The following RABEPK variants were observed in gnomAD, a reference collection of about 807,000 sequenced individuals.
The protein encoded by RABEPK is 40 kDa Rab9 effector protein.
A neutral mutation model predicts 34.1 loss-of-function variants in RABEPK; 27 were observed. The observed-to-expected ratio is 0.79, with a 90% CI of 0.58 to 1.09. RABEPK has a LOEUF of 1.09. Among genes scored for constraint, RABEPK ranks in the 50% least tolerant of loss-of-function variants. The pLI is 0.00. For missense variants in RABEPK, 449 were observed against 462.6 expected, an observed-to-expected ratio of 0.97 and a Z score of 0.27; for synonymous variants, 172 against 169.2, an observed-to-expected ratio of 1.02 and a Z score of -0.13.
At chr9:125,212,525 A>C (rs982923499) in intron 3 of RABEPK, among the ~76,000 whole-genome samples, 2 of 151,676 alleles carry the variant, frequency 1.3e-5, no homozygotes, top group Non-Finnish European at 2.9e-5. Flanking sequence ...GACCAAGGTT[A>C]GGTATTACTA....
intron 2 of RABEPK, among the ~76,000 whole-genome samples, chr9:125,206,185 GT>G (rs1340631446): frequency 2.0e-5 from 3 of 152,114 alleles, no homozygotes; most frequent in African/African-American, 7.2e-5. Flanking sequence ...CTTCAAGTGT[GT>G]TTTCTCAGTC....
chr9:125,226,744 G>A (rs113518730), intron 5 of RABEPK, among the ~76,000 whole-genome samples: 52 of 151,746 alleles, frequency 3.4e-4, no homozygotes, highest in African/African-American at 8.2e-4. Flanking sequence ...TGTGGCTGTA[G>A]TCCCAGCTAC....
At chr9:125,201,168 T>A (rs1829882814) in intron 1 of RABEPK, among the ~76,000 whole-genome samples, 1 of 152,102 alleles carries the variant, frequency 6.6e-6, no homozygotes, top group South Asian at 2.1e-4. Flanking sequence ...GTAACTTGGA[T>A]GTGGGTGGAA....
At position 125,207,594 on chromosome 9, in the gene RABEPK, CT is replaced by C; in HGVS notation, c.85del (p.Cys29ValfsTer49). ...YTLTVPGDSP[C>X]ARVGHSCSYL... Reference sequence around the variant, plus strand: ...CCTTGACTGTCCCTGGAGACAGCCCCTGTGCTCGAGTTGGCCACAGCTGTTC... The same window carrying C: ...CCTTGACTGTCCCTGGAGACAGCCCCGTGCTCGAGTTGGCCACAGCTGTTC... On this transcript the variant is annotated frameshift_variant, in exon 3 of 8. Coordinates refer to ENST00000373538, the MANE Select transcript of RABEPK (RefSeq NM_005833.4). LOFTEE classifies it high-confidence loss of function. The C allele has an allele frequency of 1.2e-6, 2 of 1,614,138 alleles. No homozygotes were observed. The highest frequency in any genetic ancestry group is 2.2e-5 in the South Asian group (2 of 91,086).
chr9:125,205,896 A>C (rs1238581184), intron 2 of RABEPK, among the ~76,000 whole-genome samples: 8 of 152,126 alleles, frequency 5.3e-5, no homozygotes, highest in Non-Finnish European at 1.0e-4. Flanking sequence ...TGAAGTTATC[A>C]CTACAGATAA....
At chr9:125,228,512 C>A (rs1831931800) in intron 6 of RABEPK, among the ~76,000 whole-genome samples, 1 of 149,764 alleles carries the variant, frequency 6.7e-6, no homozygotes, top group Admixed American at 6.7e-5. Flanking sequence ...CAAAAATTAG[C>A]CTATTGTCAT....
chr9:125,232,493 G>A (rs1832265467), intron 6 of RABEPK, 103 bp from the exon 7 acceptor site: 3 of 1,312,812 alleles, frequency 2.3e-6, no homozygotes, highest in Non-Finnish European at 3.1e-6. Flanking sequence ...AGAGCTCTTG[G>A]TGAATGACTT....
chr9:125,232,768 T>C lies in RABEPK; in HGVS notation c.826+23T>C. 7 of 1,599,012 alleles carry C rather than the reference T, an allele frequency of 4.4e-6. No individual in the cohort carries two copies. In the South Asian group the frequency reaches 7.8e-5, roughly 18 times the overall value. ...CAGGTGAGCAGGTGTCCATGGGGGATCTTTAAACAAATCTAAACATTCTTT... is the reference window on the plus strand; with the variant it reads ...CAGGTGAGCAGGTGTCCATGGGGGACCTTTAAACAAATCTAAACATTCTTT... On this transcript the variant is annotated intron_variant, in intron 7 of 7. Coordinates refer to ENST00000373538, the MANE Select transcript of RABEPK (RefSeq NM_005833.4).
intron 6 of RABEPK, among the ~76,000 whole-genome samples, chr9:125,228,993 C>T (rs1831980861): frequency 2.0e-5 from 3 of 151,082 alleles, no homozygotes; most frequent in African/African-American, 7.3e-5. Flanking sequence ...GTGGCTCATG[C>T]CTGTAATCCC....
intron 3 of RABEPK, among the ~76,000 whole-genome samples, chr9:125,211,132 G>A (rs933594892): frequency 1.3e-5 from 2 of 151,236 alleles, no homozygotes; most frequent in African/African-American, 4.8e-5. Context: ...AGCTACTCGG[G>A]AGGCTGAGGC....
At position 125,200,564 on chromosome 9, in the gene RABEPK, C is replaced by T. The variant is rs1260481624; in HGVS notation, c.-349C>T. ...GGTGGAGTCACGGCTCGCGACTGGC[C>T]TAAGTCGCCGCAGGTATTGCAGTCC... On this transcript the variant is annotated 5_prime_UTR_variant, in exon 1 of 8. Transcript: ENST00000373538. 4.0e-5 allele frequency: 16 copies of T among 403,156 alleles called. No homozygotes were observed. The highest frequency in any genetic ancestry group is 3.0e-4 in the Admixed American group (11 of 36,198). 25.0% of individuals were successfully genotyped at this position (403,156 alleles called of 1,614,324 possible).
In RABEPK at chr9:125,216,553, G is replaced by A. The variant is rs185202848; in HGVS notation, c.364+3031G>A. Among the ~76,000 whole-genome samples, 55 of 152,140 alleles carry A rather than the reference G, an allele frequency of 3.6e-4. No individual in the cohort carries two copies. In the East Asian group the frequency reaches 6.2e-3, roughly 17 times the overall value. ...CTTTTAATTTGATTTATTTGTTTGGGTATTTATTTCCTGTCTTCCCTCCTC... is the reference window on the plus strand; with the variant it reads ...CTTTTAATTTGATTTATTTGTTTGGATATTTATTTCCTGTCTTCCCTCCTC... On this transcript the variant is annotated intron_variant, in intron 4 of 7. Transcript: ENST00000373538.
In RABEPK at chr9:125,200,866, C is replaced by A. The variant is rs1384781732; in HGVS notation, c.-47C>A. 1 of 471,180 alleles carries A rather than the reference C, an allele frequency of 2.1e-6. No individual in the cohort carries two copies. The highest frequency in any genetic ancestry group is 4.4e-6 in the Non-Finnish European group (1 of 227,038). The allele number at this position is 471,180 out of a possible 1,614,324, so 29.2% of individuals were successfully genotyped here. A position where few individuals can be genotyped will look rare whatever the true frequency, so the allele number is the denominator to read the frequency against. On this transcript the variant is annotated 5_prime_UTR_variant, in exon 1 of 8. Transcript: ENST00000373538. ...CCCACGTGAAGCCAGCCTAACTGAGCTCTGGACTTTGGGGACAGCTGTCAG... is the reference window on the plus strand; with the variant it reads ...CCCACGTGAAGCCAGCCTAACTGAGATCTGGACTTTGGGGACAGCTGTCAG...
chr9:125,218,774 G>C (rs577558697), intron 4 of RABEPK, among the ~76,000 whole-genome samples: 2 of 151,840 alleles, frequency 1.3e-5, no homozygotes, highest in Non-Finnish European at 2.9e-5. Context: ...ACCCAGGCTG[G>C]AGTTGCAGTG....
rs570260821 is a variant in RABEPK, at chr9:125,212,451, C to T, written c.212-919C>T. On this transcript the variant is annotated intron_variant, in intron 3 of 7. Transcript: ENST00000373538. The stretch of plus-strand genomic sequence containing the variant: ...AGCCAGGATGGTCTTGATCTCCTGA[C>T]CTCATGATCCGCCCACCTCGGCCTC... 4.6e-5 allele frequency among the ~76,000 whole-genome samples: 7 copies of T among 152,198 alleles called. No homozygotes were observed. The East Asian group carries it at 1.4e-3, about 29-fold the overall frequency.
At chr9:125,218,457 G>T (rs1232098053) in intron 4 of RABEPK, among the ~76,000 whole-genome samples, 1 of 151,398 alleles carries the variant, frequency 6.6e-6, no homozygotes, top group Non-Finnish European at 1.5e-5. Flanking sequence ...AGATACTTCC[G>T]CTCACTTCCC....
rs1177755741 is a variant in RABEPK, at chr9:125,200,706, C to T, written c.-207C>T. ...GCCGGGTGCAAAGAACGGGGAAGGG[C>T]CTTCCCTGGCTCCGTCCCGGCCACT... is the stretch of plus-strand genomic sequence containing the variant. On this transcript the variant is annotated 5_prime_UTR_variant, in exon 1 of 8. Coordinates refer to ENST00000373538, the MANE Select transcript of RABEPK (RefSeq NM_005833.4). 1 of 471,222 alleles carries T rather than the reference C, an allele frequency of 2.1e-6. No homozygotes were observed. Among genetic ancestry groups the T allele is most frequent in the East Asian group, 6.9e-5 (1 of 14,402 alleles). The allele number at this position is 471,222 out of a possible 1,614,324, so 29.2% of individuals were successfully genotyped here. A position where few individuals can be genotyped will look rare whatever the true frequency, so the allele number is the denominator to read the frequency against.
At chr9:125,217,575 A>G (rs1286776595) in intron 4 of RABEPK, among the ~76,000 whole-genome samples, 5 of 151,926 alleles carry the variant, frequency 3.3e-5, no homozygotes, top group African/African-American at 1.2e-4. Flanking sequence ...TAATTTTTAT[A>G]TTAAAGAGGG....
At chr9:125,233,326 A>G (rs961660918) in intron 7 of RABEPK, among the ~76,000 whole-genome samples, 3 of 123,588 alleles carry the variant, frequency 2.4e-5, no homozygotes, top group African/African-American at 3.4e-5. Flanking sequence ...CTATCTGGAA[A>G]TTGTTTTTTT....
Sources: allele counts gnomAD v4.1 joint callset (sites outside exome capture counted in the v4.1 genomes callset), GRCh38; gene constraint gnomAD v4.1.1; transcripts MANE v1.5; gene names NCBI Gene and HGNC (gene_info 2026-07-23, HGNC 2026-07-21).